EFNA5: variants seen among roughly 807,000 people sequenced by gnomAD.
EFNA5 encodes ephrin A5, also known as ephrin-A5.
EFNA5 carries 5 observed loss-of-function variants against 22.9 expected under a neutral mutation model. That is an observed-to-expected ratio of 0.22 (90% CI 0.11 to 0.46). The LOEUF is 0.46. EFNA5 is among the 20% of genes least tolerant of loss of function. EFNA5 has a pLI of 0.99. For missense variants in EFNA5, 237 were observed against 293.3 expected (o/e 0.81, Z 1.40); for synonymous variants, 113 against 112.2 (o/e 1.01, Z -0.04).
At chr5:107,414,276 T>G (rs1748449334) in intron 2 of EFNA5, among the ~76,000 whole-genome samples, 1 of 152,210 alleles carries the variant, frequency 6.6e-6, no homozygotes, top group African/African-American at 2.4e-5. Context: ...AATTCCACCT[T>G]GTCCCTCAAA....
At chr5:107,627,253 C>G (rs1328633157) in intron 1 of EFNA5, among the ~76,000 whole-genome samples, 1 of 152,098 alleles carries the variant, frequency 6.6e-6, no homozygotes, top group Non-Finnish European at 1.5e-5. Context: ...GGGGATGAAA[C>G]ATTCATTTTC....
chr5:107,537,053 C>G (rs1247297264), intron 1 of EFNA5, among the ~76,000 whole-genome samples: 2 of 142,110 alleles, frequency 1.4e-5, no homozygotes, highest in African/African-American at 6.1e-5. Flanking sequence ...TGCAGTGAGC[C>G]GACATCGTGC....
At chr5:107,449,020 A>T (rs1359848665) in intron 1 of EFNA5, among the ~76,000 whole-genome samples, 1 of 152,016 alleles carries the variant, frequency 6.6e-6, no homozygotes, top group African/African-American at 2.4e-5. Context: ...CTGGGTTTAA[A>T]TACTTCCCCT....
chr5:107,551,036 T>C (rs146158791), intron 1 of EFNA5, among the ~76,000 whole-genome samples: 14 of 152,368 alleles, frequency 9.2e-5, no homozygotes, highest in Non-Finnish European at 1.9e-4. Context: ...AAACTTTATA[T>C]AGCACTTAAT....
At chr5:107,434,077 A>G (rs1427684368) in intron 1 of EFNA5, among the ~76,000 whole-genome samples, 1 of 152,182 alleles carries the variant, frequency 6.6e-6, no homozygotes, top group African/African-American at 2.4e-5. Flanking sequence ...GAAGCAAAGC[A>G]TTGTTTGATG....
At chr5:107,610,007 G>C (rs563742733) in intron 1 of EFNA5, among the ~76,000 whole-genome samples, 2 of 152,298 alleles carry the variant, frequency 1.3e-5, no homozygotes, top group East Asian at 3.9e-4. Flanking sequence ...CAATAGAAAG[G>C]GAAGGGGGAA....
intron 1 of EFNA5, among the ~76,000 whole-genome samples, chr5:107,466,676 C>T (rs116695906): frequency 0.014 from 2,117 of 152,274 alleles, 48 homozygotes; most frequent in African/African-American, 0.049. Context: ...ACCACTCACT[C>T]GGTGTCTACA....
intron 1 of EFNA5, among the ~76,000 whole-genome samples, chr5:107,546,581 T>C (rs748705744): frequency 2.0e-5 from 3 of 151,752 alleles, no homozygotes; most frequent in African/African-American, 4.8e-5. Flanking sequence ...AGCAATGAAA[T>C]AGGAAGCTAG....
intron 1 of EFNA5, among the ~76,000 whole-genome samples, chr5:107,613,261 A>G (rs1749857369): frequency 6.6e-6 from 1 of 152,120 alleles, no homozygotes; most frequent in Non-Finnish European, 1.5e-5. Context: ...TTATAAAAGT[A>G]ATGGGCCTAG....
At chr5:107,585,167 G>A (rs1240635363) in intron 1 of EFNA5, among the ~76,000 whole-genome samples, 1 of 152,140 alleles carries the variant, frequency 6.6e-6, no homozygotes, top group African/African-American at 2.4e-5. Context: ...AGGATTTGAA[G>A]AACACAGTTT....
At chr5:107,464,618 C>A (rs970623770) in intron 1 of EFNA5, among the ~76,000 whole-genome samples, 2 of 152,138 alleles carry the variant, frequency 1.3e-5, no homozygotes, top group Non-Finnish European at 2.9e-5. Context: ...ACAATGAAGT[C>A]CAATAACTCA....
At chr5:107,546,565 T>A (rs1231335238) in intron 1 of EFNA5, among the ~76,000 whole-genome samples, 2 of 152,042 alleles carry the variant, frequency 1.3e-5, no homozygotes, top group African/African-American at 4.8e-5. Context: ...AAGGGCTCAA[T>A]GGCAGAGCAA....
intron 2 of EFNA5, among the ~76,000 whole-genome samples, chr5:107,401,595 G>A (rs1384412768): frequency 1.3e-5 from 2 of 152,186 alleles, no homozygotes; most frequent in Non-Finnish European, 2.9e-5. Context: ...CAAATCTTCT[G>A]TGGTTGCAGG....
chr5:107,453,492 T>C (rs910027766), intron 1 of EFNA5, among the ~76,000 whole-genome samples: 13 of 152,190 alleles, frequency 8.5e-5, no homozygotes, highest in Non-Finnish European at 1.5e-4. Context: ...TGTATATTCA[T>C]TTTACATGGG....
At chr5:107,431,070 G>A (rs530904287) in intron 1 of EFNA5, among the ~76,000 whole-genome samples, 16 of 152,178 alleles carry the variant, frequency 1.1e-4, no homozygotes, top group Admixed American at 3.3e-4. Context: ...CACCGCGCCC[G>A]GCCACAATTA....
chr5:107,552,949 T>A (rs1366865162), intron 1 of EFNA5, among the ~76,000 whole-genome samples: 2 of 152,090 alleles, frequency 1.3e-5, no homozygotes, highest in African/African-American at 4.8e-5. Flanking sequence ...GTTTTAGGGG[T>A]AAACAAGACA....
intron 1 of EFNA5, among the ~76,000 whole-genome samples, chr5:107,463,143 C>T (rs920576524): frequency 6.6e-6 from 1 of 152,106 alleles, no homozygotes; most frequent in African/African-American, 2.4e-5. Flanking sequence ...TTTATTTTTG[C>T]TCTAAAATCT....
chr5:107,604,137 A>G (rs530751265), intron 1 of EFNA5, among the ~76,000 whole-genome samples: 138 of 152,308 alleles, frequency 9.1e-4, no homozygotes, highest in African/African-American at 3.1e-3. Context: ...ACAGCTAAGC[A>G]TCTATAAGAG....
At chr5:107,528,903 T>A (rs1452801746) in intron 1 of EFNA5, among the ~76,000 whole-genome samples, 3 of 152,208 alleles carry the variant, frequency 2.0e-5, no homozygotes, top group African/African-American at 7.2e-5. Flanking sequence ...TTTATTTGTA[T>A]AGAATACGAC....
Sources: gnomAD v4.1 joint callset for allele counts (sites outside exome capture counted in the v4.1 genomes callset) on GRCh38, gnomAD v4.1.1 for gene constraint, MANE v1.5 for transcripts, NCBI Gene and HGNC (gene_info 2026-07-23, HGNC 2026-07-21) for gene names.